LMX1A: variants seen among roughly 807,000 people sequenced by gnomAD.
LMX1A encodes LIM homeobox transcription factor 1-alpha.
LMX1A carries 15 observed loss-of-function variants against 49.1 expected under a neutral mutation model. The ratio of observed to expected loss-of-function variants is 0.31; its 90% CI spans 0.20 to 0.47. LMX1A has a LOEUF of 0.47. Ranked by LOEUF, LMX1A falls within the 20% of genes least tolerant of loss-of-function variation. The pLI, the probability that LMX1A is intolerant of heterozygous loss-of-function variation, is 1.00. For synonymous variants in LMX1A, 167 were observed against 185.7 expected, an observed-to-expected ratio of 0.90 and a Z score of 0.82; for missense variants, 372 against 475.8, an observed-to-expected ratio of 0.78 and a Z score of 2.03.
At chr1:165,306,623 CTTGA>C (rs1654926629) in intron 3 of LMX1A, among the ~76,000 whole-genome samples, 1 of 152,234 alleles carries the variant, frequency 6.6e-6, no homozygotes, top group African/African-American at 2.4e-5. Flanking sequence ...AAAAGCTCAA[CTTGA>C]TTGCTAGTTT....
At chr1:165,245,701 C>A (rs1361836702) in intron 4 of LMX1A, among the ~76,000 whole-genome samples, 1 of 151,814 alleles carries the variant, frequency 6.6e-6, no homozygotes, top group East Asian at 1.9e-4. Context: ...TGCAGCATGT[C>A]TTTTTGGCTC....
chr1:165,299,817 G>C (rs1249761910), intron 3 of LMX1A, among the ~76,000 whole-genome samples: 4 of 147,636 alleles, frequency 2.7e-5, no homozygotes, highest in African/African-American at 1.0e-4. Context: ...TAACTATACT[G>C]TACTATTAGC....
intron 4 of LMX1A, among the ~76,000 whole-genome samples, chr1:165,221,979 C>T (rs1230156627): frequency 4.0e-5 from 6 of 151,262 alleles, no homozygotes; most frequent in Admixed American, 3.3e-4. Flanking sequence ...TCTCTCTCTC[C>T]ATCATTCCCT....
In LMX1A at chr1:165,249,534, C is replaced by G. The variant is rs770138747; in HGVS notation, c.370G>C (p.Val124Leu). The G allele has an allele frequency of 1.9e-6, 3 of 1,614,150 alleles. No individual in the cohort carries two copies. In the South Asian group the frequency reaches 3.3e-5, roughly 18 times the overall value. ...CCCTTCTGAAGCTGTCGCTCGCAGACACAGCAGCAGAAGCAGCTCAGGTGG... is the reference window on the plus strand; with the variant it reads ...CCCTTCTGAAGCTGTCGCTCGCAGAGACAGCAGCAGAAGCAGCTCAGGTGG... ...VYHLSCFCCC[V>L]CERQLQKGDE... The change falls in exon 4 of 9, where the codon GTC becomes CTC. Residue 124 changes from valine to leucine, a missense_variant. Coordinates refer to ENST00000342310, the MANE Select transcript of LMX1A (RefSeq NM_177398.4).
chr1:165,353,517 T>C (rs1202714018), intron 2 of LMX1A, among the ~76,000 whole-genome samples: 1 of 152,214 alleles, frequency 6.6e-6, no homozygotes, highest in Non-Finnish European at 1.5e-5. Context: ...TGGCCTTTAA[T>C]TAACAAACAT....
intron 4 of LMX1A, among the ~76,000 whole-genome samples, chr1:165,232,033 C>T (rs1652257692): frequency 6.6e-6 from 1 of 152,214 alleles, no homozygotes; most frequent in Non-Finnish European, 1.5e-5. Context: ...TTTCTGCTGT[C>T]CCACAAGGAT....
chr1:165,310,030 A>T (rs1235702183), intron 3 of LMX1A, among the ~76,000 whole-genome samples: 1 of 152,246 alleles, frequency 6.6e-6, no homozygotes, highest in Non-Finnish European at 1.5e-5. Context: ...ACTGCCAATA[A>T]GTGGCAGTCA....
intron 3 of LMX1A, among the ~76,000 whole-genome samples, chr1:165,313,571 A>G (rs1655137267): frequency 1.3e-5 from 2 of 151,516 alleles, no homozygotes; most frequent in African/African-American, 4.8e-5. Flanking sequence ...GCTTAAGGAA[A>G]GCAACAAAAA....
chr1:165,337,872 C>CTG (rs1399376247), intron 3 of LMX1A, among the ~76,000 whole-genome samples: 3 of 58,332 alleles, frequency 5.1e-5, no homozygotes, highest in South Asian at 4.9e-4. Context: ...GTCTGTGCAT[C>CTG]TGTGTGTGTG....
chr1:165,340,013 C>T (rs1001322952), intron 3 of LMX1A, among the ~76,000 whole-genome samples: 10 of 152,110 alleles, frequency 6.6e-5, no homozygotes, highest in Non-Finnish European at 2.9e-5. Context: ...AAAGAGTGGC[C>T]ACATCACTCC....
chr1:165,260,766 G>A (rs1345399799), intron 3 of LMX1A, among the ~76,000 whole-genome samples: 1 of 152,116 alleles, frequency 6.6e-6, no homozygotes, highest in East Asian at 1.9e-4. Context: ...AGGCAAACAA[G>A]AAAAGAAAAG....
At chr1:165,337,601 C>T (rs1209919577) in intron 3 of LMX1A, among the ~76,000 whole-genome samples, 1 of 152,138 alleles carries the variant, frequency 6.6e-6, no homozygotes, top group Non-Finnish European at 1.5e-5. Context: ...CATCTTCACC[C>T]CTGACTGCAT....
intron 3 of LMX1A, among the ~76,000 whole-genome samples, chr1:165,329,070 C>T (rs185885784): frequency 2.0e-5 from 3 of 152,312 alleles, no homozygotes; most frequent in African/African-American, 4.8e-5. Context: ...GTTTAATTGA[C>T]TCACAGTTCT....
At chr1:165,282,622 C>T (rs1035363791) in intron 3 of LMX1A, among the ~76,000 whole-genome samples, 2 of 152,168 alleles carry the variant, frequency 1.3e-5, no homozygotes, top group African/African-American at 4.8e-5. Flanking sequence ...ATAAGCTTCA[C>T]GTGGCCAGGC....
intron 4 of LMX1A, 119 bp downstream of exon 4, chr1:165,249,289 C>T: frequency 3.0e-6 from 2 of 667,230 alleles, no homozygotes; most frequent in South Asian, 3.6e-5. Context: ...CACAGAACTG[C>T]CTTGCCATGG....
chr1:165,311,173 G>A (rs1349498456), intron 3 of LMX1A, among the ~76,000 whole-genome samples: 2 of 152,136 alleles, frequency 1.3e-5, no homozygotes, highest in African/African-American at 4.8e-5. Flanking sequence ...TGCCTGACTG[G>A]AATTGGAGTG....
chr1:165,202,592 A>T lies in LMX1A; in HGVS notation c.*1288T>A, dbSNP rs1650894233. 1 of 152,098 alleles carries T rather than the reference A, an allele frequency of 6.6e-6. No homozygotes were observed. The highest frequency in any genetic ancestry group is 2.4e-5 in the African/African-American group (1 of 41,412). The allele number at this position is 152,098 out of a possible 1,614,324, so 9.4% of individuals were successfully genotyped here. A position where few individuals can be genotyped will look rare whatever the true frequency, so the allele number is the denominator to read the frequency against. The stretch of plus-strand genomic sequence containing the variant: ...CTCCTTTTTTTTAATGACCTCAAAA[A>T]AAAAGTAAAAACCATTCTTTGCTGG... On this transcript the variant is annotated 3_prime_UTR_variant, in exon 9 of 9. Coordinates refer to ENST00000342310, the MANE Select transcript of LMX1A (RefSeq NM_177398.4).
chr1:165,292,532 C>T (rs566020378), intron 3 of LMX1A, among the ~76,000 whole-genome samples: 3 of 152,222 alleles, frequency 2.0e-5, no homozygotes, highest in Admixed American at 6.5e-5. Context: ...GTCACCTGTG[C>T]GGCAGGATTA....
chr1:165,345,519 TCACCCACCAAAACA>T (rs66654553), intron 3 of LMX1A, among the ~76,000 whole-genome samples: 85,012 of 151,512 alleles, frequency 0.56, 24,984 homozygotes, highest in East Asian at 0.78. Context: ...GGCACTTCTC[TCACCCACCAAAACA>T]CACCCACCTG....
Sources: gnomAD v4.1 joint callset for allele counts (sites outside exome capture counted in the v4.1 genomes callset) on GRCh38, gnomAD v4.1.1 for gene constraint, MANE v1.5 for transcripts, NCBI Gene and HGNC (gene_info 2026-07-23, HGNC 2026-07-21) for gene names.